Variants in STAU1 observed in about 807,000 individuals in gnomAD.
STAU1 encodes double-stranded RNA-binding protein Staufen homolog 1.
STAU1 carries 13 observed loss-of-function variants against 62.9 expected under a neutral mutation model. The observed-to-expected ratio is 0.21, with a 90% CI of 0.13 to 0.33. The LOEUF is 0.33. STAU1 is among the 10% of genes least tolerant of loss of function. STAU1 has a pLI of 1.00. For missense variants in STAU1, 571 were observed against 712.1 expected (o/e 0.80, Z 2.25); for synonymous variants, 269 against 265.1 (o/e 1.01, Z -0.14).
chr20:49,113,671 GCA>G lies in STAU1; in HGVS notation c.*1205_*1206del, dbSNP rs1186176201. On this transcript the variant is annotated 3_prime_UTR_variant, in exon 14 of 14. Transcript: ENST00000371856. ...TACGGACCACACGCAGAGCCTCAGTGCACACACTTCTGTGTACAGTAACACAA... is the reference window on the plus strand; with the variant it reads ...TACGGACCACACGCAGAGCCTCAGTGCACACTTCTGTGTACAGTAACACAA... 1 of 152,602 alleles carries G rather than the reference GCA, an allele frequency of 6.6e-6. No individual in the cohort carries two copies. Among genetic ancestry groups the G allele is most frequent in the Non-Finnish European group, 1.5e-5 (1 of 68,052 alleles). 9.5% of individuals were successfully genotyped at this position (152,602 alleles called of 1,614,324 possible).
the STAU1 span, among the ~76,000 whole-genome samples, chr20:49,204,561 A>G: frequency 7.3e-6 from 1 of 136,752 alleles, no homozygotes; most frequent in African/African-American, 2.8e-5. Flanking sequence ...ACATTCTTGT[A>G]TATCTCCTTA....
At chr20:49,196,977 T>C in the STAU1 span, among the ~76,000 whole-genome samples, 1 of 151,762 alleles carries the variant, frequency 6.6e-6, no homozygotes, top group South Asian at 2.1e-4. Flanking sequence ...GGCAACATGG[T>C]GAAACGTCTC....
intron 6 of STAU1, among the ~76,000 whole-genome samples, chr20:49,126,034 T>G (rs1276461860): frequency 6.6e-6 from 1 of 151,932 alleles, no homozygotes; most frequent in Non-Finnish European, 1.5e-5. Context: ...TAGCTGCATA[T>G]TAAAGTGATT....
At position 49,114,648 on chromosome 20, in the gene STAU1, G is replaced by A. The variant is rs368170586; in HGVS notation, c.*230C>T. 19 of 501,544 alleles carry A rather than the reference G, an allele frequency of 3.8e-5. No homozygotes were observed. The highest frequency in any genetic ancestry group is 1.5e-4 in the East Asian group (5 of 32,860). 31.1% of individuals were successfully genotyped at this position (501,544 alleles called of 1,614,324 possible). A position where few individuals can be genotyped will look rare whatever the true frequency, so the allele number is the denominator to read the frequency against. Reference sequence around the variant, plus strand: ...CTTCCCCACAGGCAGCTGCTATTGCGTAGGGACCGCCAGGTCACCGAGTGG... The same window carrying A: ...CTTCCCCACAGGCAGCTGCTATTGCATAGGGACCGCCAGGTCACCGAGTGG... On this transcript the variant is annotated 3_prime_UTR_variant, in exon 14 of 14. Transcript: ENST00000371856.
At chr20:49,206,869 C>T in the STAU1 span, among the ~76,000 whole-genome samples, 2 of 151,092 alleles carry the variant, frequency 1.3e-5, no homozygotes, top group Non-Finnish European at 2.9e-5. Context: ...AATTCTCCTG[C>T]CTCAGCCTCC....
intron 1 of STAU1, among the ~76,000 whole-genome samples, chr20:49,180,052 A>C (rs2093704548): frequency 6.6e-6 from 1 of 152,228 alleles, no homozygotes; most frequent in Non-Finnish European, 1.5e-5. Flanking sequence ...ATACCAAAGA[A>C]GCTTCTGATT....
intron 3 of STAU1, among the ~76,000 whole-genome samples, 186 bp downstream of exon 3, chr20:49,165,811 C>A (rs568286386): frequency 7.8e-6 from 1 of 128,238 alleles, no homozygotes; most frequent in Admixed American, 7.6e-5. Flanking sequence ...CGTCTGTCAA[C>A]TGAGGCCCCT....
At chr20:49,211,470 C>T in the STAU1 span, among the ~76,000 whole-genome samples, 1 of 151,390 alleles carries the variant, frequency 6.6e-6, no homozygotes, top group Non-Finnish European at 1.5e-5. Context: ...CAGTCTTGAG[C>T]TCCTCTCCTC....
chr20:49,117,117 G>A lies in STAU1; in HGVS notation c.1632+9C>T, dbSNP rs2092346962. ...AACACCCCAATCCCTCACCCAAGGTGTGACGTACCATATCATGGCAGGACT... is the reference window on the plus strand; with the variant it reads ...AACACCCCAATCCCTCACCCAAGGTATGACGTACCATATCATGGCAGGACT... On this transcript the variant is annotated intron_variant, in intron 12 of 13. Coordinates refer to ENST00000371856, the MANE Select transcript of STAU1 (RefSeq NM_017453.4). This position sits in a 1 kb window ranked among gnomAD's most constrained non-coding sequence, Gnocchi z 4.6. 1 of 1,614,026 alleles carries A rather than the reference G, an allele frequency of 6.2e-7. No individual in the cohort carries two copies. Among genetic ancestry groups the A allele is most frequent in the Non-Finnish European group, 8.5e-7 (1 of 1,179,936 alleles).
intron 5 of STAU1, among the ~76,000 whole-genome samples, chr20:49,141,097 T>C (rs939829415): frequency 1.3e-5 from 2 of 152,212 alleles, no homozygotes; most frequent in African/African-American, 2.4e-5. Flanking sequence ...TCGTAAGACT[T>C]TGAATGCCAC....
At chr20:49,138,651 G>A (rs1255308887) in intron 5 of STAU1, among the ~76,000 whole-genome samples, 1 of 151,966 alleles carries the variant, frequency 6.6e-6, no homozygotes, top group African/African-American at 2.4e-5. Flanking sequence ...ACTGGCATAG[G>A]CACCACTCCC....
At chr20:49,160,510 G>C (rs749043189) in intron 3 of STAU1, among the ~76,000 whole-genome samples, 1 of 152,016 alleles carries the variant, frequency 6.6e-6, no homozygotes, top group Non-Finnish European at 1.5e-5. Context: ...TAGATGGTTG[G>C]GAAAAAAGTT....
chr20:49,141,436 T>G (rs1420092956), intron 5 of STAU1, among the ~76,000 whole-genome samples: 5 of 152,072 alleles, frequency 3.3e-5, no homozygotes, highest in Middle Eastern at 3.2e-3. Flanking sequence ...CAAAAAAATT[T>G]TAAGATTACC....
At chr20:49,129,630 CTTTTTTTTTTT>C (rs558925613) in intron 6 of STAU1, among the ~76,000 whole-genome samples, 1 of 96,656 alleles carries the variant, frequency 1.0e-5, no homozygotes, top group Non-Finnish European at 2.0e-5. Context: ...AGTTTGGCAA[CTTTTTTTTTTT>C]TTTTTTTTTT....
At chr20:49,195,469 C>T in the STAU1 span, among the ~76,000 whole-genome samples, 3 of 124,450 alleles carry the variant, frequency 2.4e-5, no homozygotes, top group South Asian at 8.2e-4. Flanking sequence ...ACCCGGGAGG[C>T]GGAGCTTTGT....
the STAU1 span, among the ~76,000 whole-genome samples, chr20:49,198,991 C>T: frequency 6.7e-6 from 1 of 150,202 alleles, no homozygotes; most frequent in East Asian, 2.0e-4. Context: ...CAAAAAAATA[C>T]AAAAATTAGC....
In STAU1 at chr20:49,151,980, A is replaced by G. The variant is rs533261662; in HGVS notation, c.345-233T>C. Among the ~76,000 whole-genome samples the G allele has an allele frequency of 9.8e-5, 15 of 152,344 alleles. No homozygotes were observed. In the South Asian group the frequency reaches 3.1e-3, roughly 32 times the overall value. Reference sequence around the variant, plus strand: ...AATCCAAACTTACATCTCACAAAATACAATGGCTTATAAATTATGAGTTTA... The same window carrying G: ...AATCCAAACTTACATCTCACAAAATGCAATGGCTTATAAATTATGAGTTTA... On this transcript the variant is annotated intron_variant, in intron 4 of 13. Coordinates refer to ENST00000371856, the MANE Select transcript of STAU1 (RefSeq NM_017453.4).
intron 2 of STAU1, among the ~76,000 whole-genome samples, chr20:49,172,080 C>A (rs1432955652): frequency 6.6e-6 from 1 of 152,194 alleles, no homozygotes; most frequent in Admixed American, 6.5e-5. Flanking sequence ...ACTTGCAATA[C>A]AAGTGAGACT....
At chr20:49,141,408 G>T (rs1219340983) in intron 5 of STAU1, among the ~76,000 whole-genome samples, 1 of 152,194 alleles carries the variant, frequency 6.6e-6, no homozygotes, top group Admixed American at 6.5e-5. Flanking sequence ...AGGCAACAAA[G>T]TGAGACCTTA....
Sources: allele counts gnomAD v4.1 joint callset (sites outside exome capture counted in the v4.1 genomes callset), GRCh38; gene constraint gnomAD v4.1.1; non-coding constraint Gnocchi (gnomAD v3.1); transcripts MANE v1.5; gene names NCBI Gene and HGNC (gene_info 2026-07-23, HGNC 2026-07-21).